Variants in ROBO2 observed in about 807,000 individuals in gnomAD.
ROBO2 encodes roundabout homolog 2.
Under a neutral mutation model 160.8 loss-of-function variants are expected in ROBO2, and 53 were observed. The ratio of observed to expected loss-of-function variants is 0.33; its 90% confidence interval spans 0.26 to 0.41. The LOEUF (loss-of-function observed/expected upper bound fraction) is 0.41. Ranked by LOEUF, ROBO2 falls within the 10% of genes least tolerant of loss-of-function variation. The probability of loss-of-function intolerance (pLI) is 1.00; values close to 1 mark genes in which losing one functional copy is unlikely to be tolerated. For missense variants in ROBO2, 1,577 were observed against 1,722.4 expected (o/e 0.92, Z 1.49); for synonymous variants, 664 against 611.7 (o/e 1.09, Z -1.26).
At chr3:76,647,053 T>C (rs2091005745) in intron 2 of ROBO2, among the ~76,000 whole-genome samples, 1 of 151,938 alleles carries the variant, frequency 6.6e-6, no homozygotes, top group Admixed American at 6.6e-5. Context: ...ACTCTGACCT[T>C]GAAAAAGGGG....
chr3:76,372,172 T>C (rs1242238509), intron 2 of ROBO2, among the ~76,000 whole-genome samples: 3 of 151,970 alleles, frequency 2.0e-5, no homozygotes, highest in African/African-American at 7.2e-5. Flanking sequence ...TTAAGAATAA[T>C]GTTTCCACAA....
intron 2 of ROBO2, among the ~76,000 whole-genome samples, chr3:76,940,684 C>A (rs1477182310): frequency 6.6e-6 from 1 of 152,190 alleles, no homozygotes; most frequent in African/African-American, 2.4e-5. Context: ...AGTCCTTGAT[C>A]TTACAACTGA....
At chr3:76,847,303 G>A (rs1029657374) in intron 2 of ROBO2, among the ~76,000 whole-genome samples, 5 of 152,222 alleles carry the variant, frequency 3.3e-5, no homozygotes, top group African/African-American at 1.2e-4. Flanking sequence ...GGTTTAATGA[G>A]GCCAGCTGGA....
At chr3:77,355,699 A>G (rs1315580765) in intron 2 of ROBO2, among the ~76,000 whole-genome samples, 1 of 152,224 alleles carries the variant, frequency 6.6e-6, no homozygotes, top group African/African-American at 2.4e-5. Flanking sequence ...AGGAAAGTTT[A>G]ATATAATTTT....
intron 2 of ROBO2, among the ~76,000 whole-genome samples, chr3:76,402,577 C>T (rs557584782): frequency 6.6e-6 from 1 of 151,584 alleles, no homozygotes; most frequent in South Asian, 2.1e-4. Flanking sequence ...CAGTAGGTTG[C>T]ATTATTTTCT....
intron 2 of ROBO2, among the ~76,000 whole-genome samples, chr3:76,870,700 A>T (rs1046046012): frequency 1.3e-5 from 2 of 152,068 alleles, no homozygotes; most frequent in African/African-American, 4.8e-5. Context: ...CTTCCCCTAC[A>T]TCTATTCATA....
At chr3:76,773,724 A>G (rs2062058102) in intron 2 of ROBO2, among the ~76,000 whole-genome samples, 1 of 150,848 alleles carries the variant, frequency 6.6e-6, no homozygotes, top group Non-Finnish European at 1.5e-5. Context: ...ATATAGTCAT[A>G]TTTTTAGACC....
At chr3:77,136,950 T>G (rs777146510) in intron 2 of ROBO2, among the ~76,000 whole-genome samples, 2 of 152,008 alleles carry the variant, frequency 1.3e-5, no homozygotes, top group Non-Finnish European at 2.9e-5. Flanking sequence ...CAGTTAATTT[T>G]TTAAATTATT....
At chr3:77,054,261 G>A (rs2065499763) in intron 1 of ROBO2, among the ~76,000 whole-genome samples, 1 of 152,136 alleles carries the variant, frequency 6.6e-6, no homozygotes, top group Non-Finnish European at 1.5e-5. Flanking sequence ...ATACAGCAAA[G>A]CCCATGTTTG....
chr3:77,235,355 ATT>A (rs35778905), intron 2 of ROBO2, among the ~76,000 whole-genome samples: 8 of 143,740 alleles, frequency 5.6e-5, no homozygotes, highest in Admixed American at 7.0e-5. Context: ...AGAGGAGAAT[ATT>A]TTTTTTTTTT....
chr3:77,477,639 T>C, intron 3 of ROBO2, 68 bp downstream of exon 3: 1 of 1,411,858 alleles, frequency 7.1e-7, no homozygotes, highest in Non-Finnish European at 1.0e-6. Context: ...AATAGATGTA[T>C]TTTATTCTTT....
intron 2 of ROBO2, among the ~76,000 whole-genome samples, chr3:76,080,235 G>C (rs1051960541): frequency 1.3e-5 from 2 of 152,162 alleles, no homozygotes; most frequent in Non-Finnish European, 2.9e-5. Flanking sequence ...GGCTCAGTGC[G>C]TACTGACCAC....
At chr3:76,675,256 T>C (rs1250431571) in intron 2 of ROBO2, among the ~76,000 whole-genome samples, 2 of 152,178 alleles carry the variant, frequency 1.3e-5, no homozygotes, top group East Asian at 3.9e-4. Context: ...CCCCTTCCAC[T>C]GGTTCTTGCA....
At chr3:76,115,669 TA>T (rs2070436614) in intron 2 of ROBO2, among the ~76,000 whole-genome samples, 1 of 152,092 alleles carries the variant, frequency 6.6e-6, no homozygotes, top group Non-Finnish European at 1.5e-5. Flanking sequence ...GAAATTTTTT[TA>T]AAAAATTAAA....
At chr3:76,947,476 A>G (rs570077548) in intron 2 of ROBO2, among the ~76,000 whole-genome samples, 7 of 152,294 alleles carry the variant, frequency 4.6e-5, no homozygotes, top group Non-Finnish European at 8.8e-5. Context: ...ATCATTTAAA[A>G]TTATTTAAGA....
intron 2 of ROBO2, among the ~76,000 whole-genome samples, chr3:77,226,252 A>T (rs1037083198): frequency 1.3e-5 from 2 of 152,048 alleles, no homozygotes; most frequent in African/African-American, 4.8e-5. Context: ...TCCTAGTAAA[A>T]TAAGATGACC....
At chr3:77,214,968 T>G (rs1407395366) in intron 2 of ROBO2, among the ~76,000 whole-genome samples, 2 of 152,200 alleles carry the variant, frequency 1.3e-5, no homozygotes, top group Non-Finnish European at 2.9e-5. Context: ...CTGATGGGCT[T>G]CCCTTTGTGG....
chr3:77,448,516 CT>C (rs1418192702), intron 2 of ROBO2, among the ~76,000 whole-genome samples: 1 of 152,116 alleles, frequency 6.6e-6, no homozygotes, highest in Non-Finnish European at 1.5e-5. Context: ...TTTGTAAGCC[CT>C]TAAGCTGGCT....
chr3:77,066,487 G>A (rs2066856496), intron 1 of ROBO2, among the ~76,000 whole-genome samples: 2 of 152,168 alleles, frequency 1.3e-5, no homozygotes, highest in Middle Eastern at 3.4e-3. Flanking sequence ...CTTTAAAAAT[G>A]TGTTATCAAT....
Sources: gnomAD v4.1 joint callset for allele counts (sites outside exome capture counted in the v4.1 genomes callset) on GRCh38, gnomAD v4.1.1 for gene constraint, MANE v1.5 for transcripts, NCBI Gene and HGNC (gene_info 2026-07-23, HGNC 2026-07-21) for gene names.